The following PTGR1 variants were observed in gnomAD, a reference collection of about 807,000 sequenced individuals.
The protein encoded by PTGR1 is 15-oxoprostaglandin 13-reductase.
PTGR1 carries 23 observed loss-of-function variants against 37.7 expected under a neutral mutation model. That is an observed-to-expected ratio of 0.61 (90% CI 0.44 to 0.86). The LOEUF is 0.86. Ranked by LOEUF, PTGR1 falls within the 40% of genes least tolerant of loss-of-function variation. PTGR1 has a pLI of 0.00. For synonymous variants in PTGR1, 134 were observed against 140.0 expected (o/e 0.96, Z 0.30); for missense variants, 351 against 394.3 (o/e 0.89, Z 0.93).
In PTGR1 at chr9:111,552,963, A is replaced by G. The variant is rs190903294; in HGVS notation, c.880-3164T>C. Reference sequence around the variant, plus strand: ...TGATAATTTCTTCATCTCTCCATCTAAGGTTCTTTGTAGATGCATGTGTAA... The same window carrying G: ...TGATAATTTCTTCATCTCTCCATCTGAGGTTCTTTGTAGATGCATGTGTAA... On this transcript the variant is annotated intron_variant, in intron 9 of 9. Transcript: ENST00000538962. Among the ~76,000 whole-genome samples, 39 of 152,300 alleles carry G rather than the reference A, an allele frequency of 2.6e-4. No individual in the cohort carries two copies. In the East Asian group the frequency reaches 6.4e-3, roughly 25 times the overall value.
intron 2 of PTGR1, 29 bp downstream of exon 2, chr9:111,597,288 A>G (rs1285396678): frequency 6.6e-7 from 1 of 1,525,706 alleles, no homozygotes; most frequent in African/African-American, 1.4e-5. Flanking sequence ...AGTCCCTTCC[A>G]ACTCTGAAAT....
chr9:111,560,972 TATAGAG>T (rs1420229531), downstream of PTGR1, among the ~76,000 whole-genome samples: 155 of 21,314 alleles, frequency 7.3e-3, 23 homozygotes, highest in South Asian at 0.023. Flanking sequence ...TATATATATA[TATAGAG>T]AGAGAGAGAG....
chr9:111,597,280 T>C, intron 2 of PTGR1, 37 bp downstream of exon 2: 1 of 1,467,928 alleles, frequency 6.8e-7, no homozygotes, highest in Non-Finnish European at 9.5e-7. Flanking sequence ...ACTGATACAG[T>C]CCCTTCCAAC....
rs1829665467 is a variant in PTGR1 at position 111,592,986 on chromosome 9, C to CG, written c.153-5_153-4insC. 3.1e-6 allele frequency: 3 copies of CG among 961,396 alleles called. No homozygotes were observed. The highest frequency in any genetic ancestry group is 3.9e-6 in the Non-Finnish European group (3 of 766,146). The allele number at this position is 961,396 out of a possible 1,614,324, so 59.6% of individuals were successfully genotyped here. On this transcript the variant is annotated splice_polypyrimidine_tract_variant and splice_region_variant and intron_variant, in intron 3 of 9. Coordinates refer to ENST00000407693, the MANE Select transcript of PTGR1 (RefSeq NM_001146108.2). ...CTTCAATCTTTTGGCTGCCACTCTG[C>CG]AAAAAAAAAAAAAAAAAAAAAAAAA...
chr9:111,574,867 G>T, intron 7 of PTGR1, 25 bp from the exon 8 acceptor site: 2 of 1,525,204 alleles, frequency 1.3e-6, no homozygotes, highest in Non-Finnish European at 1.8e-6. Context: ...AAGACAAAAT[G>T]TTAAATAATC....
chr9:111,576,474 C>T, intron 7 of PTGR1: 1 of 1,609,604 alleles, frequency 6.2e-7, no homozygotes, highest in Non-Finnish European at 8.5e-7. Flanking sequence ...GATGGGGCCA[C>T]TGCAGTGCAG....
At chr9:111,569,060 A>G (rs1472309719) in intron 9 of PTGR1, among the ~76,000 whole-genome samples, 1 of 152,244 alleles carries the variant, frequency 6.6e-6, no homozygotes, top group Admixed American at 6.5e-5. Flanking sequence ...AATATGGAGC[A>G]TGTTGAGCAG....
chr9:111,588,752 C>T (rs1829518488), intron 4 of PTGR1, among the ~76,000 whole-genome samples: 1 of 151,640 alleles, frequency 6.6e-6, no homozygotes, highest in Non-Finnish European at 1.5e-5. Context: ...TCTTGAACTC[C>T]TGACCTCAGG....
intron 9 of PTGR1, among the ~76,000 whole-genome samples, chr9:111,557,110 C>T (rs1828146219): frequency 6.6e-6 from 1 of 152,194 alleles, no homozygotes; most frequent in African/African-American, 2.4e-5. Flanking sequence ...CATTCAGCTC[C>T]TCATGCAGCA....
chr9:111,592,350 A>T (rs921021122), intron 4 of PTGR1: 3 of 152,276 alleles, frequency 2.0e-5, no homozygotes, highest in African/African-American at 7.2e-5. Flanking sequence ...GTAAATTCTT[A>T]TCTCTGTATA....
intron 3 of PTGR1, among the ~76,000 whole-genome samples, chr9:111,593,670 G>C (rs1829688095): frequency 6.6e-6 from 1 of 152,116 alleles, no homozygotes; most frequent in Admixed American, 6.6e-5. Flanking sequence ...TTGGGGTTTG[G>C]CTTCTTTTTT....
chr9:111,567,406 C>T (rs1054405354), intron 9 of PTGR1, among the ~76,000 whole-genome samples: 5 of 152,076 alleles, frequency 3.3e-5, no homozygotes, highest in Non-Finnish European at 7.3e-5. Flanking sequence ...CAGATGGTCT[C>T]GATCTCTTGA....
chr9:111,549,867 G>T, intron 9 of PTGR1: 1 of 978,330 alleles, frequency 1.0e-6, no homozygotes, highest in Non-Finnish European at 1.6e-6. Flanking sequence ...AGTCTGTCTA[G>T]TGAGTCAATG....
chr9:111,569,193 C>T (rs528585390), intron 9 of PTGR1, among the ~76,000 whole-genome samples: 1 of 152,234 alleles, frequency 6.6e-6, no homozygotes, highest in Non-Finnish European at 1.5e-5. Flanking sequence ...TGGGAACTCC[C>T]AGCATACTGA....
chr9:111,580,543 G>GTGA (rs1336399580), intron 6 of PTGR1, among the ~76,000 whole-genome samples: 17 of 152,044 alleles, frequency 1.1e-4, no homozygotes, highest in African/African-American at 4.1e-4. Context: ...ATCACCGGAG[G>GTGA]TCGGGAGTTC....
intron 4 of PTGR1, among the ~76,000 whole-genome samples, chr9:111,590,546 A>G (rs950999450): frequency 2.6e-5 from 4 of 152,052 alleles, no homozygotes; most frequent in Non-Finnish European, 5.9e-5. Context: ...TTTAGTAGAG[A>G]TTGGGTTTTG....
At chr9:111,594,154 G>A in intron 3 of PTGR1, 68 bp downstream of exon 3, 1 of 1,431,140 alleles carries the variant, frequency 7.0e-7, no homozygotes, top group Middle Eastern at 1.8e-4. Flanking sequence ...GGATATTTTA[G>A]AAGATGAACT....
intron 2 of PTGR1, among the ~76,000 whole-genome samples, chr9:111,594,550 T>TC: frequency 1.9e-5 from 1 of 52,780 alleles, no homozygotes; most frequent in African/African-American, 6.5e-5. Context: ...TTTGGCATTC[T>TC]TTTTTTTTTT....
At chr9:111,552,355 T>C (rs1239644049) in intron 9 of PTGR1, among the ~76,000 whole-genome samples, 2 of 152,244 alleles carry the variant, frequency 1.3e-5, no homozygotes, top group East Asian at 1.9e-4. Context: ...TGAAGAATTA[T>C]AACACATGTA....
Sources: allele counts gnomAD v4.1 joint callset (sites outside exome capture counted in the v4.1 genomes callset), GRCh38; gene constraint gnomAD v4.1.1; transcripts MANE v1.5; gene names NCBI Gene and HGNC (gene_info 2026-07-23, HGNC 2026-07-21).